Variants in PWWP3A observed in about 807,000 individuals in gnomAD.
PWWP3A encodes PWWP domain containing 3A, DNA repair factor.
PWWP3A carries 53 observed loss-of-function variants against 79.0 expected under a neutral mutation model. The observed-to-expected ratio is 0.67, with a 90% confidence interval of 0.54 to 0.84. The LOEUF (loss-of-function observed/expected upper bound fraction) is 0.84. Ranked by LOEUF, PWWP3A falls within the 40% of genes least tolerant of loss-of-function variation. The probability of loss-of-function intolerance (pLI) is 0.00; values close to 1 mark genes in which losing one functional copy is unlikely to be tolerated. For missense variants in PWWP3A, 973 were observed against 948.0 expected, an observed-to-expected ratio of 1.03 and a Z score of -0.35; for synonymous variants, 443 against 394.4, an observed-to-expected ratio of 1.12 and a Z score of -1.46.
At chr19:1,361,141 C>G (rs1258378413) in intron 5 of PWWP3A, 109 bp downstream of exon 5, 3 of 1,136,932 alleles carry the variant, frequency 2.6e-6, no homozygotes, top group South Asian at 2.7e-5. Context: ...TTAATGAGAT[C>G]GTTGCCAAAA....
chr19:1,358,711 A>G, intron 4 of PWWP3A: 2 of 1,506,086 alleles, frequency 1.3e-6, no homozygotes, highest in East Asian at 2.6e-5. Flanking sequence ...GTGAGCATCA[A>G]GGTCATCTCG....
chr19:1,366,193 CCCAGAGCTGGGGTCAGCG>C (rs2082124657), intron 7 of PWWP3A, 94 bp from the exon 8 acceptor site: 4 of 183,968 alleles, frequency 2.2e-5, no homozygotes, highest in Non-Finnish European at 3.4e-5. Flanking sequence ...TGGGGTCACC[CCCAGAGCTGGGGTCAGCG>C]CCTGTTAGAT....
In PWWP3A at chr19:1,370,870, TA is replaced by T; in HGVS notation, c.1781del (p.Lys594ArgfsTer13). On this transcript the variant is annotated frameshift_variant, in exon 12 of 14. Coordinates refer to ENST00000591337, the MANE Select transcript of PWWP3A (RefSeq NM_001369789.1). LOFTEE classifies it high-confidence loss of function. ...GCGGAGAGCCACCTGCGGGCCATCC[TA>T]AAGAGCAGGAAGCCATCTCGCTGGC... ...KGAESHLRAI[L>X]KSRKPSRWLQ... is the part of the protein sequence containing the mutation. The T allele has an allele frequency of 6.4e-7, 1 of 1,559,362 alleles. No individual in the cohort carries two copies. The highest frequency in any genetic ancestry group is 8.7e-7 in the Non-Finnish European group (1 of 1,151,366).
chr19:1,376,681 G>C lies in PWWP3A; in HGVS notation c.*105G>C. 2 of 1,108,800 alleles carry C rather than the reference G, an allele frequency of 1.8e-6. No homozygotes were observed. The allele number at this position is 1,108,800 out of a possible 1,614,324, so 68.7% of individuals were successfully genotyped here. On this transcript the variant is annotated 3_prime_UTR_variant, in exon 14 of 14. Coordinates refer to ENST00000591337, the MANE Select transcript of PWWP3A (RefSeq NM_001369789.1). ...GGCTCAGGGGGCACGTTTGCGTTTG[G>C]ACCTGTCTGTGCGTTCTCCTGCGTG...
In PWWP3A at chr19:1,360,999, C is replaced by G. The variant is rs1278190954; in HGVS notation, c.1078C>G (p.Leu360Val). The change falls in exon 5 of 14, where the codon CTT becomes GTT. Residue 360 changes from leucine (L) to valine (V), a missense_variant. Coordinates refer to ENST00000591337, the MANE Select transcript of PWWP3A (RefSeq NM_001369789.1). This position sits in a 1 kb window ranked among gnomAD's most constrained non-coding sequence, Gnocchi z 4.4. ...CGCCTCTGCGGATGCAACCAGATGT[C>G]TTCCTTGCCCGGATTCCCAGAAGCT... ...SHASADATRC[L>V]PCPDSQKLEK... 1 of 1,435,368 alleles carries G rather than the reference C, an allele frequency of 7.0e-7. No homozygotes were observed. Among genetic ancestry groups the G allele is most frequent in the Middle Eastern group, 1.8e-4 (1 of 5,482 alleles). 88.9% of individuals were successfully genotyped at this position (1,435,368 alleles called of 1,614,324 possible).
chr19:1,375,810 A>T (rs34627879), intron 13 of PWWP3A, among the ~76,000 whole-genome samples: 1,271 of 22,158 alleles, frequency 0.057, 168 homozygotes, highest in South Asian at 0.11. Context: ...GTATTTATTT[A>T]TTTTTTTTTT....
rs376922905 is a variant in PWWP3A, at chr19:1,355,291, C to T, written c.-70+156C>T. ...CCCACTCTGCCCGGACCCCCTTTTC[C>T]GCCCCTGGCGCCGTGGGCCCCTCAC... is the stretch of plus-strand genomic sequence containing the variant. On this transcript the variant is annotated intron_variant, in intron 1 of 13. Transcript: ENST00000591337. 2.6e-5 allele frequency among the ~76,000 whole-genome samples: 4 copies of T among 151,888 alleles called. No individual in the cohort carries two copies. In the South Asian group the frequency reaches 6.2e-4, roughly 24 times the overall value.
intron 8 of PWWP3A, 44 bp downstream of exon 8, chr19:1,366,425 A>AGGCC: frequency 1.3e-6 from 2 of 1,558,398 alleles, no homozygotes; most frequent in South Asian, 2.2e-5. Context: ...CTGAGGGGCC[A>AGGCC]GGCCGGCCGC....
At chr19:1,362,792 C>G (rs2082048269) in intron 6 of PWWP3A, among the ~76,000 whole-genome samples, 1 of 152,218 alleles carries the variant, frequency 6.6e-6, no homozygotes, top group Non-Finnish European at 1.5e-5. Flanking sequence ...TGAACTGCTC[C>G]CGCGCCCCTC....
chr19:1,367,757 A>C (rs978148321), intron 9 of PWWP3A, among the ~76,000 whole-genome samples: 1 of 152,218 alleles, frequency 6.6e-6, no homozygotes, highest in Non-Finnish European at 1.5e-5. Flanking sequence ...CTGTCGATGA[A>C]CTGCAAGGGA....
chr19:1,376,557 G>A lies in PWWP3A; in HGVS notation c.2114G>A (p.Arg705Gln), dbSNP rs1022639405. Residue 705 changes from arginine (R) to glutamine (Q), a missense_variant, in exon 14 of 14, where the codon CGG becomes CAG. Transcript: ENST00000591337. ...TTTGACAACCAGCTCCTTGAAGAGCGGAACCGGCGCCGTCGGTGAGGGAGC... is the reference window on the plus strand; with the variant it reads ...TTTGACAACCAGCTCCTTGAAGAGCAGAACCGGCGCCGTCGGTGAGGGAGC... Reference protein sequence around the residue: ...EIFDNQLLEERNRRRR With the variant: ...EIFDNQLLEEQNRRRR 39 of 1,613,468 alleles carry A rather than the reference G, an allele frequency of 2.4e-5. No homozygotes were observed. The highest frequency in any genetic ancestry group is 5.3e-5 in the African/African-American group (4 of 74,904).
In PWWP3A at chr19:1,360,027, G is replaced by T; in HGVS notation, c.215-109G>T. On this transcript the variant is annotated intron_variant, in intron 4 of 13. Transcript: ENST00000591337. This position sits in a 1 kb window ranked among gnomAD's most constrained non-coding sequence, Gnocchi z 4.4. Reference sequence around the variant, plus strand: ...TTAGTCCTCCCCTTCAGTGATTTAGGTATGAAACTAGCCGTCAGAATGAGA... The same window carrying T: ...TTAGTCCTCCCCTTCAGTGATTTAGTTATGAAACTAGCCGTCAGAATGAGA... 2 of 1,118,212 alleles carry T rather than the reference G, an allele frequency of 1.8e-6. No individual in the cohort carries two copies. The highest frequency in any genetic ancestry group is 2.4e-6 in the Non-Finnish European group (2 of 824,500). 69.3% of individuals were successfully genotyped at this position (1,118,212 alleles called of 1,614,324 possible).
Position 1,376,644 on chromosome 19 carries a change from C to T in PWWP3A, c.*68C>T. 1 of 1,526,274 alleles carries T rather than the reference C, an allele frequency of 6.6e-7. No individual in the cohort carries two copies. Among genetic ancestry groups the T allele is most frequent in the Non-Finnish European group, 9.0e-7 (1 of 1,107,838 alleles). The allele number at this position is 1,526,274 out of a possible 1,614,324, so 94.5% of individuals were successfully genotyped here. ...GCGCCTCCAGTGTGCATGAGCGTGT[C>T]TGAAGATGGGGGGCTCAGGGGGCAC... On this transcript the variant is annotated 3_prime_UTR_variant, in exon 14 of 14. Transcript: ENST00000591337.
intron 1 of PWWP3A, among the ~76,000 whole-genome samples, chr19:1,355,653 C>A (rs908072236): frequency 6.7e-6 from 1 of 148,856 alleles, no homozygotes; most frequent in Non-Finnish European, 1.5e-5. Flanking sequence ...GCCATGAAAT[C>A]TTGTCCCTGC....
chr19:1,360,371 C>T lies in PWWP3A; in HGVS notation c.450C>T (p.His150=). ...RGDVLGSSRP[H]RRRPCVQQSL... The stretch of plus-strand genomic sequence containing the variant: ...ACGTGTTGGGCAGTTCCAGACCTCA[C>T]AGGAGGAGGCCATGTGTGCAACAAA... Residue 150 remains histidine (H), a synonymous_variant, in exon 5 of 14, where the codon CAC becomes CAT. Transcript: ENST00000591337. The surrounding 1 kb of genome is among the most constrained non-coding windows in gnomAD (Gnocchi z 4.4). 6.2e-7 allele frequency: 1 copy of T among 1,614,126 alleles called. No homozygotes were observed. The highest frequency in any genetic ancestry group is 8.5e-7 in the Non-Finnish European group (1 of 1,180,032).
At position 1,365,852 on chromosome 19, in the gene PWWP3A, T is replaced by G. The variant is rs376300394; in HGVS notation, c.1285-453T>G. 3.2e-3 allele frequency among the ~76,000 whole-genome samples: 483 copies of G among 152,332 alleles called. 5 individuals carry two copies. The highest frequency in any genetic ancestry group is 0.011 in the African/African-American group (459 of 41,576). The stretch of plus-strand genomic sequence containing the variant: ...ACTGCTCCTCACTGCCTTCTCACGG[T>G]GGCCCCGGGAGGCCAGGACTGGGGA... On this transcript the variant is annotated intron_variant, in intron 7 of 13. Transcript: ENST00000591337.
Position 1,366,288 on chromosome 19 carries a change from C to T in PWWP3A, c.1285-17C>T. The T allele has an allele frequency of 2.5e-6, 4 of 1,612,608 alleles. No individual in the cohort carries two copies. Among genetic ancestry groups the T allele is most frequent in the South Asian group, 2.2e-5 (2 of 91,042 alleles). On this transcript the variant is annotated splice_polypyrimidine_tract_variant and intron_variant, in intron 7 of 13. Coordinates refer to ENST00000591337, the MANE Select transcript of PWWP3A (RefSeq NM_001369789.1). Reference sequence around the variant, plus strand: ...CTCTTTTGTTTTGACGTTTTATTTTCTTGGATTTGTGAACAGGTCAAAAGC... The same window carrying T: ...CTCTTTTGTTTTGACGTTTTATTTTTTTGGATTTGTGAACAGGTCAAAAGC...
rs767494102 is a variant in PWWP3A, at chr19:1,369,250, C to G, written c.1423-15C>G. ...CTGCCTCCCACTGACGCCTGCTGCC[C>G]GGATCTCATTGTAGAATCAAGCCAG... On this transcript the variant is annotated splice_polypyrimidine_tract_variant and intron_variant, in intron 9 of 13. Transcript: ENST00000591337. This position sits in a 1 kb window ranked among gnomAD's most constrained non-coding sequence, Gnocchi z 4.0. 3.7e-5 allele frequency: 60 copies of G among 1,613,740 alleles called. No homozygotes were observed. The East Asian group carries it at 1.3e-3, about 36-fold the overall frequency.
chr19:1,355,532 C>T (rs557997415), intron 1 of PWWP3A, among the ~76,000 whole-genome samples: 53 of 138,002 alleles, frequency 3.8e-4, no homozygotes, highest in Non-Finnish European at 7.8e-5. Flanking sequence ...ACCCTCCGCT[C>T]CACCTCCTCC....
Sources: allele counts gnomAD v4.1 joint callset (sites outside exome capture counted in the v4.1 genomes callset), GRCh38; gene constraint gnomAD v4.1.1; non-coding constraint Gnocchi (gnomAD v3.1); transcripts MANE v1.5; gene names NCBI Gene and HGNC (gene_info 2026-07-23, HGNC 2026-07-21).